TTN: variants seen among roughly 807,000 people sequenced by gnomAD.
TTN encodes the protein titin.
Under a neutral mutation model 3,223.0 loss-of-function variants are expected in TTN, and 1,525 were observed. That is an observed-to-expected ratio of 0.47 (90% CI 0.45 to 0.49). The LOEUF (loss-of-function observed/expected upper bound fraction) is 0.49, where lower values mean the gene tolerates loss of function less well. TTN is among the 20% of genes least tolerant of loss of function. The pLI is 0.00. For synonymous variants in TTN, 14,094 were observed against 15,161.0 expected, an observed-to-expected ratio of 0.93 and a Z score of 5.17; for missense variants, 40,786 against 43,424.0, an observed-to-expected ratio of 0.94 and a Z score of 5.40.
rs1443102376 is a variant in TTN, at chr2:178,667,621, T to C, written c.35629+17A>G. ...AAAAATAATTTTTCTTCAGAGTGGA[T>C]CATTGGTGTTATATACCTTTTGCTA... is the stretch of plus-strand genomic sequence containing the variant. On this transcript the variant is annotated intron_variant, in intron 160 of 362. Transcript: ENST00000589042. 1 of 1,587,778 alleles carries C rather than the reference T, an allele frequency of 6.3e-7. No individual in the cohort carries two copies. Among genetic ancestry groups the C allele is most frequent in the South Asian group, 1.1e-5 (1 of 89,362 alleles).
At position 178,604,197 on chromosome 2, in the gene TTN, A is replaced by G. The variant is rs370135374; in HGVS notation, c.54490T>C (p.Tyr18164His). ...TTTCCTGGAGGTCCAGGAAGGCGAT[A>G]AGGATCTTGAATGACTACTTTATCT... ...KSDKVVIQDP[Y>H]RLPGPPGKPK... Residue 18164 changes from tyrosine (Y) to histidine (H), a missense_variant, in exon 282 of 363, where the codon TAT (tyrosine) becomes CAT (histidine). By Grantham distance (83) the Tyr-to-His change is moderately conservative. Coordinates refer to ENST00000589042, the MANE Select transcript of TTN (RefSeq NM_001267550.2). 436 of 1,611,654 alleles carry G rather than the reference A, an allele frequency of 2.7e-4. 1 individual carries two copies. Among genetic ancestry groups the G allele is most frequent in the Non-Finnish European group, 3.6e-4 (422 of 1,178,724 alleles).
chr2:178,636,149 G>T lies in TTN; in HGVS notation c.41422C>A (p.Arg13808Ser), dbSNP rs375947044. The T allele has an allele frequency of 6.2e-7, 1 of 1,612,930 alleles. No individual in the cohort carries two copies. The highest frequency in any genetic ancestry group is 1.1e-5 in the South Asian group (1 of 91,022). Residue 13808 changes from arginine to serine, a missense_variant, in exon 226 of 363, where the codon CGT becomes AGT. Physicochemically the swap from Arg to Ser is moderately radical, Grantham distance 110 (BLOSUM62 -1). Transcript: ENST00000589042. The surrounding 1 kb of genome is among the most constrained non-coding windows in gnomAD (Gnocchi z 4.3). ...CCATCCTTCCTCCAGACCACGTCAC[G>T]CTCTTTGTTTAACTCGCAGCTCAAG... ...LYLSCELNKE[R>S]DVVWRKDGKI...
Position 178,702,571 on chromosome 2 carries a change from C to A in TTN, c.30316G>T (p.Ala10106Ser). 6.2e-7 allele frequency: 1 copy of A among 1,613,942 alleles called. No homozygotes were observed. Among genetic ancestry groups the A allele is most frequent in the South Asian group, 1.1e-5 (1 of 91,082 alleles). Residue 10106 changes from alanine to serine, a missense_variant, in exon 107 of 363, where the codon GCC becomes TCC. By Grantham distance (99) the Ala-to-Ser change is moderately conservative. Coordinates refer to ENST00000589042, the MANE Select transcript of TTN (RefSeq NM_001267550.2). ...GGTCCTTTGTACCATGTTACAATGGCATCATCAAAGGACACTTCACACTCA... is the reference window on the plus strand; with the variant it reads ...GGTCCTTTGTACCATGTTACAATGGAATCATCAAAGGACACTTCACACTCA... ...TFECEVSFDD[A>S]IVTWYKGPTE...
In TTN at chr2:178,714,995, C is replaced by A; in HGVS notation, c.26191G>T (p.Ala8731Ser). The change falls in exon 90 of 363, where the codon GCT becomes TCT. Residue 8731 changes from alanine to serine, a missense_variant. Transcript: ENST00000589042. ...VGSDTCVGSI[A>S]LKAPPRFVKK... ...ATGCAGTCCATCTAACCTTTGAGAG[C>A]GATGGAACCAACGCAAGTGTCGCTT... 1.2e-6 allele frequency: 2 copies of A among 1,607,274 alleles called. No homozygotes were observed. Among genetic ancestry groups the A allele is most frequent in the Non-Finnish European group, 1.7e-6 (2 of 1,176,138 alleles).
At chr2:178,768,215 C>T (rs2090864883) in intron 38 of TTN, 60 bp from the exon 39 acceptor site, 1 of 1,554,858 alleles carries the variant, frequency 6.4e-7, no homozygotes, top group Non-Finnish European at 8.8e-7. Context: ...ATATAATTCA[C>T]ATACTGTACA....
rs794729387 is a variant in TTN at position 178,756,245 on chromosome 2, G to A, written c.11231C>T (p.Ser3744Leu). Residue 3744 changes from serine (S) to leucine (L), a missense_variant, in exon 46 of 363, where the codon TCA becomes TTA. Ser to Leu is a moderately radical substitution (Grantham distance 145). Coordinates refer to ENST00000589042, the MANE Select transcript of TTN (RefSeq NM_001267550.2). ...ACCACCTTCTACACTTAGTACTGCT[G>A]ACGTTGTCCTCTCTCCACAGTCATT... The part of the protein sequence containing the change: ...VHNDCGERTT[S>L]AVLSVEGAPE... 1 of 1,611,952 alleles carries A rather than the reference G, an allele frequency of 6.2e-7. No individual in the cohort carries two copies. The highest frequency in any genetic ancestry group is 1.3e-5 in the African/African-American group (1 of 75,026).
chr2:178,641,614 C>A (rs945650975), intron 219 of TTN, among the ~76,000 whole-genome samples: 4 of 151,142 alleles, frequency 2.6e-5, no homozygotes, highest in African/African-American at 9.7e-5. Context: ...TGAATAGCAA[C>A]GAATTATAAT....
rs768262273 is a variant in TTN at position 178,562,904 on chromosome 2, C to T, written c.83228G>A (p.Arg27743Gln). ...IDNVTRFDSG[R>Q]YNLTLENNSG... ...ATTATTTTCTAATGTCAGATTATACCGACCACTGTCAAATCTGGTAACATT... is the reference window on the plus strand; with the variant it reads ...ATTATTTTCTAATGTCAGATTATACTGACCACTGTCAAATCTGGTAACATT... The change falls in exon 326 of 363, where the codon CGG becomes CAG. Residue 27743 changes from arginine (R) to glutamine (Q), a missense_variant. By Grantham distance (43) the Arg-to-Gln change is conservative (BLOSUM62 1). Coordinates refer to ENST00000589042, the MANE Select transcript of TTN (RefSeq NM_001267550.2). The T allele has an allele frequency of 1.3e-5, 21 of 1,613,268 alleles. No individual in the cohort carries two copies. The highest frequency in any genetic ancestry group is 6.7e-5 in the East Asian group (3 of 44,746).
Position 178,586,674 on chromosome 2 carries a change from CTCT to C in TTN, c.64224_64226del (p.Glu21409del), listed in dbSNP as rs1412345206. Reference sequence around the variant, plus strand: ...ACTCTGTCCAGCGATCTGCAGGCTGCTCTTCTTCTCTGTAACTAGTGATGTAGC... The same window carrying C: ...ACTCTGTCCAGCGATCTGCAGGCTGCTCTTCTCTGTAACTAGTGATGTAGC... On this transcript the variant is annotated inframe_deletion, in exon 308 of 363. Transcript: ENST00000589042. The C allele has an allele frequency of 5.0e-6, 8 of 1,613,060 alleles. No homozygotes were observed. Among genetic ancestry groups the C allele is most frequent in the South Asian group, 3.3e-5 (3 of 91,072 alleles).
At position 178,727,773 on chromosome 2, in the gene TTN, G is replaced by T. The variant is rs749229040; in HGVS notation, c.19805C>A (p.Pro6602Gln). ...EFKAILKGTP[P>Q]FKIKWFKDDV... ...ATCCTTAAACCATTTTATTTTAAAT[G>T]GTGGTGTTCCTTTTAGTATTGCCTT... The change falls in exon 68 of 363, where the codon CCA becomes CAA. Residue 6602 changes from proline to glutamine, a missense_variant. Coordinates refer to ENST00000589042, the MANE Select transcript of TTN (RefSeq NM_001267550.2). 2.5e-6 allele frequency: 4 copies of T among 1,613,204 alleles called. No individual in the cohort carries two copies. The East Asian group carries it at 6.7e-5, about 27-fold the overall frequency.
chr2:178,592,017 C>T lies in TTN; in HGVS notation c.59887G>A (p.Val19963Ile), dbSNP rs768578399. The T allele has an allele frequency of 1.2e-6, 2 of 1,613,008 alleles. No individual in the cohort carries two copies. The highest frequency in any genetic ancestry group is 1.7e-6 in the Non-Finnish European group (2 of 1,179,458). ...AENQYGRGPF[V>I]ETPKPIKALD... is the part of the protein sequence containing the mutation. ...GCCTTGATTGGTTTTGGTGTTTCAA[C>T]AAAAGGACCACGTCCATACTGGTTC... The change falls in exon 302 of 363, where the codon GTT becomes ATT. Residue 19963 changes from valine to isoleucine, a missense_variant. Coordinates refer to ENST00000589042, the MANE Select transcript of TTN (RefSeq NM_001267550.2).
chr2:178,607,259 A>G lies in TTN; in HGVS notation c.53343T>C (p.Cys17781=). 6.2e-7 allele frequency: 1 copy of G among 1,612,834 alleles called. No individual in the cohort carries two copies. Among genetic ancestry groups the G allele is most frequent in the East Asian group, 2.2e-5 (1 of 44,678 alleles). ...CTTCTGGATCAGACCAGTTAAGTAGACACATTTTTCTGTTTGTTACAACAG... is the reference window on the plus strand; with the variant it reads ...CTTCTGGATCAGACCAGTTAAGTAGGCACATTTTTCTGTTTGTTACAACAG... ...LKPVVTNRKM[C]LLNWSDPEDD... Residue 17781 remains cysteine (C), a synonymous_variant, in exon 278 of 363, where the codon TGT becomes TGC. Transcript: ENST00000589042.
intron 1 of TTN, among the ~76,000 whole-genome samples, chr2:178,805,175 C>T (rs938531404): frequency 6.6e-6 from 1 of 151,522 alleles, no homozygotes; most frequent in African/African-American, 2.4e-5. Context: ...AAACCCCTGT[C>T]TCTACTACAA....
rs148018042 is a variant in TTN at position 178,612,313 on chromosome 2, C to T, written c.50212G>A (p.Glu16738Lys). 354 of 1,612,554 alleles carry T rather than the reference C, an allele frequency of 2.2e-4. 1 individual carries two copies. The highest frequency in any genetic ancestry group is 2.7e-4 in the Non-Finnish European group (315 of 1,179,176). Residue 16738 changes from glutamate to lysine, a missense_variant, in exon 266 of 363, where the codon GAA (glutamate) becomes AAA (lysine). Glu to Lys is a moderately conservative substitution (Grantham distance 56). Transcript: ENST00000589042. ...TTGGCCAGCACAGAGTCCTCAATTT[C>T]GGTGTAGTCGCTTTGTCCTATAGCA... ...ENAIGQSDYTEIEDSVLAKDT... is the reference protein window; with the variant it reads ...ENAIGQSDYTKIEDSVLAKDT...
chr2:178,696,001 G>T lies in TTN; in HGVS notation c.31071C>A (p.His10357Gln), dbSNP rs368973334. The T allele has an allele frequency of 6.5e-7, 1 of 1,545,296 alleles. No individual in the cohort carries two copies. The highest frequency in any genetic ancestry group is 8.7e-7 in the Non-Finnish European group (1 of 1,144,390). ...CTTCAAAATCTTCTTCCCATTCCTC[G>T]TGAACTTCTTTTTTAGCTTCTACCT... ...EIKVEAKKEV[H>Q]EEWEEDFEEG... Residue 10357 changes from histidine to glutamine, a missense_variant, in exon 114 of 363, where the codon CAC becomes CAA. By Grantham distance (24) the His-to-Gln change is conservative. Transcript: ENST00000589042.
chr2:178,795,401 G>A (rs2093713771), intron 6 of TTN, 149 bp from the exon 7 acceptor site: 2 of 719,936 alleles, frequency 2.8e-6, no homozygotes, highest in Admixed American at 4.3e-5. Context: ...AATGTACTTG[G>A]AAGTAATTTG....
rs1487793268 is a variant in TTN, at chr2:178,675,058, C to T, written c.34593G>A (p.Glu11531=). Residue 11531 remains glutamate (E), a synonymous_variant, in exon 150 of 363, where the codon GAG becomes GAA. Transcript: ENST00000589042. ...ATCTACCTTCAACTGGTAGAACTTC[C>T]TCTTCTTTAGGGAGAATGATTCGTT... The part of the protein sequence containing the change: ...EEKRIILPKE[E]EVLPVEVTEE... The T allele has an allele frequency of 7.1e-6, 11 of 1,542,174 alleles. No homozygotes were observed. Among genetic ancestry groups the T allele is most frequent in the South Asian group, 5.2e-5 (4 of 76,458 alleles).
Position 178,577,878 on chromosome 2 carries a change from C to A in TTN, c.68548G>T (p.Val22850Phe), listed in dbSNP as rs934106303. 6.3e-7 allele frequency: 1 copy of A among 1,586,686 alleles called. No individual in the cohort carries two copies. Among genetic ancestry groups the A allele is most frequent in the African/African-American group, 1.4e-5 (1 of 73,832 alleles). ...ACTGAATTCCTTGTTATGTTAATAA[C>A]CTCAGGTTTTCCAGGAGGATCTAAA... Reference protein sequence around the residue: ...DPIDPPGKPEVINITRNSVTL... With the variant: ...DPIDPPGKPEFINITRNSVTL... The change falls in exon 323 of 363, where the codon GTT becomes TTT. Residue 22850 changes from valine to phenylalanine, a missense_variant. By Grantham distance (50) the Val-to-Phe change is conservative. Coordinates refer to ENST00000589042, the MANE Select transcript of TTN (RefSeq NM_001267550.2).
At chr2:178,761,313 T>C (rs972146901) in intron 43 of TTN, among the ~76,000 whole-genome samples, 1 of 152,192 alleles carries the variant, frequency 6.6e-6, no homozygotes. Context: ...AACCTGATCA[T>C]GGTACCCAGG....
Sources: allele counts gnomAD v4.1 joint callset (sites outside exome capture counted in the v4.1 genomes callset), GRCh38; gene constraint gnomAD v4.1.1; non-coding constraint Gnocchi (gnomAD v3.1); transcripts MANE v1.5; gene names NCBI Gene and HGNC (gene_info 2026-07-23, HGNC 2026-07-21).